Variants in EIF4G3 observed in about 807,000 individuals in gnomAD.
EIF4G3 encodes eIF-4-gamma 3.
Under a neutral mutation model 186.4 loss-of-function variants are expected in EIF4G3, and 34 were observed. The observed-to-expected ratio is 0.18, with a 90% CI of 0.14 to 0.24. The LOEUF is 0.24. Among genes scored for constraint, EIF4G3 ranks in the 10% least tolerant of loss-of-function variants. The pLI is 1.00. For synonymous variants in EIF4G3, 673 were observed against 679.5 expected (o/e 0.99, Z 0.15); for missense variants, 1,536 against 1,948.5 (o/e 0.79, Z 3.99).
intron 2 of EIF4G3, among the ~76,000 whole-genome samples, chr1:21,109,386 T>C (rs2096675803): frequency 6.6e-6 from 1 of 152,230 alleles, no homozygotes; most frequent in Non-Finnish European, 1.5e-5. Flanking sequence ...GGCTCATGCC[T>C]GTAATCCTAA....
chr1:20,873,613 A>AT (rs33949056), intron 20 of EIF4G3, among the ~76,000 whole-genome samples: 88,365 of 150,000 alleles, frequency 0.59, 26,743 homozygotes, highest in East Asian at 0.94. Flanking sequence ...TTAAAATGGG[A>AT]TTTTTTTTTC....
At position 20,806,776 on chromosome 1, in the gene EIF4G3, G is replaced by C. The variant is rs2058177529; in HGVS notation, c.*543C>G. On this transcript the variant is annotated 3_prime_UTR_variant, in exon 37 of 37. Transcript: ENST00000602326. Reference sequence around the variant, plus strand: ...TTTTCTGAAGCAAGCTGAGAGGCAGGCAGAAAGATTTGATGCCAAAAAAAA... The same window carrying C: ...TTTTCTGAAGCAAGCTGAGAGGCAGCCAGAAAGATTTGATGCCAAAAAAAA... 1 of 151,254 alleles carries C rather than the reference G, an allele frequency of 6.6e-6. No homozygotes were observed. Among genetic ancestry groups the C allele is most frequent in the South Asian group, 2.1e-4 (1 of 4,782 alleles). The allele number at this position is 151,254 out of a possible 1,614,324, so 9.4% of individuals were successfully genotyped here.
At chr1:21,021,969 T>C (rs774009681) in intron 4 of EIF4G3, among the ~76,000 whole-genome samples, 1 of 152,114 alleles carries the variant, frequency 6.6e-6, no homozygotes, top group Non-Finnish European at 1.5e-5. Flanking sequence ...AATATTAACA[T>C]AAAATCCAGC....
Position 21,176,160 on chromosome 1 carries a change from A to G in EIF4G3, c.-272+15T>C. On this transcript the variant is annotated intron_variant, in intron 2 of 36. Coordinates refer to ENST00000602326, the MANE Select transcript of EIF4G3 (RefSeq NM_001391906.1). ...GACGAGAACCGAAGGGCCGACAGGA[A>G]GGTGAAAAGGATACTGTTGGGGCGC... The G allele has an allele frequency of 2.6e-6, 1 of 387,186 alleles. No homozygotes were observed. The highest frequency in any genetic ancestry group is 4.6e-6 in the Non-Finnish European group (1 of 219,048). 24.0% of individuals were successfully genotyped at this position (387,186 alleles called of 1,614,324 possible). A position where few individuals can be genotyped will look rare whatever the true frequency, so the allele number is the denominator to read the frequency against.
rs747274284 is a variant in EIF4G3, at chr1:20,899,753, G to T, written c.1943C>A (p.Ala648Asp). The T allele has an allele frequency of 1.9e-5, 31 of 1,614,000 alleles. No individual in the cohort carries two copies. The South Asian group carries it at 3.3e-4, about 17-fold the overall frequency. ...ESVSEGEGID[A>D]NSGSTDSSGD... Reference sequence around the variant, plus strand: ...AGAACTATCTGTGGAGCCTGAATTAGCATCTATTCCTTCACCCTCAGAAAC... The same window carrying T: ...AGAACTATCTGTGGAGCCTGAATTATCATCTATTCCTTCACCCTCAGAAAC... Residue 648 changes from alanine to aspartate, a missense_variant, in exon 16 of 37, where the codon GCT becomes GAT. Coordinates refer to ENST00000602326, the MANE Select transcript of EIF4G3 (RefSeq NM_001391906.1).
At chr1:20,847,959 G>T in intron 29 of EIF4G3, 1 of 404,154 alleles carries the variant, frequency 2.5e-6, no homozygotes, top group Non-Finnish European at 4.9e-6. Context: ...AAGAAAACAA[G>T]TAATATTTTC....
chr1:20,854,918 C>T (rs773760273), intron 26 of EIF4G3, 60 bp downstream of exon 26: 44 of 1,383,366 alleles, frequency 3.2e-5, no homozygotes, highest in Admixed American at 7.0e-5. Context: ...TATGGGAATG[C>T]GCTGTAAGGC....
chr1:21,050,938 A>G lies in EIF4G3; in HGVS notation c.-139T>C. 1 of 716,634 alleles carries G rather than the reference A, an allele frequency of 1.4e-6. No individual in the cohort carries two copies. Among genetic ancestry groups the G allele is most frequent in the Non-Finnish European group, 2.6e-6 (1 of 384,864 alleles). 44.4% of individuals were successfully genotyped at this position (716,634 alleles called of 1,614,324 possible). On this transcript the variant is annotated 5_prime_UTR_variant, in exon 4 of 37. The change abolishes an upstream ATG in the 5' untranslated region. Coordinates refer to ENST00000602326, the MANE Select transcript of EIF4G3 (RefSeq NM_001391906.1). ...GATTTGGATGCCCCTTGTTTATTTC[A>G]TGTGCTGAATAAGGGGATGGGGTAG...
In EIF4G3 at chr1:20,844,907, T is replaced by C. The variant is rs111447394; in HGVS notation, c.3889-3879A>G. The stretch of plus-strand genomic sequence containing the variant: ...TGTATATTGCAAACATTTCCTCCTA[T>C]TCTGTAAGTTGTCTGTTTATTCTGT... On this transcript the variant is annotated intron_variant, in intron 29 of 36. Coordinates refer to ENST00000602326, the MANE Select transcript of EIF4G3 (RefSeq NM_001391906.1). 4.2e-3 allele frequency among the ~76,000 whole-genome samples: 644 copies of C among 152,298 alleles called. 5 individuals are homozygous for C. The highest frequency in any genetic ancestry group is 0.014 in the African/African-American group (600 of 41,564).
chr1:21,130,391 A>G (rs2097132400), intron 2 of EIF4G3, among the ~76,000 whole-genome samples: 1 of 151,454 alleles, frequency 6.6e-6, no homozygotes, highest in Non-Finnish European at 1.5e-5. Flanking sequence ...CACTCAGCTA[A>G]TTTTTTTGTG....
At chr1:20,884,727 G>C (rs2083542907) in intron 19 of EIF4G3, among the ~76,000 whole-genome samples, 1 of 152,174 alleles carries the variant, frequency 6.6e-6, no homozygotes. Context: ...AAACCGCCAA[G>C]TACAGTTTGA....
rs1465489278 is a variant in EIF4G3 at position 20,857,332 on chromosome 1, G to A, written c.3339+71C>T. 5 of 1,196,396 alleles carry A rather than the reference G, an allele frequency of 4.2e-6. No homozygotes were observed. The Admixed American group carries it at 5.1e-5, about 12-fold the overall frequency. 74.1% of individuals were successfully genotyped at this position (1,196,396 alleles called of 1,614,324 possible). A position where few individuals can be genotyped will look rare whatever the true frequency, so the allele number is the denominator to read the frequency against. On this transcript the variant is annotated intron_variant, in intron 25 of 36. Transcript: ENST00000602326. ...GTTTTGCAACTATTGTAAATTGTGT[G>A]TGTGTGTGTGTGTTTTAATATCAAA...
At chr1:21,041,968 A>G (rs1036113721) in intron 4 of EIF4G3, among the ~76,000 whole-genome samples, 2 of 152,086 alleles carry the variant, frequency 1.3e-5, no homozygotes, top group African/African-American at 4.8e-5. Context: ...TGAGTAAATT[A>G]TAACAAATTT....
At chr1:21,151,236 C>CTTTTTTTTTTTTTTTTTTTTT (rs71014161) in intron 2 of EIF4G3, among the ~76,000 whole-genome samples, 3 of 80,410 alleles carry the variant, frequency 3.7e-5, no homozygotes, top group African/African-American at 9.6e-5. Context: ...GTATTTCTTT[C>CTTTTTTTTTTTTTTTTTTTTT]TTTTTTTTTT....
At chr1:20,952,603 C>T (rs958766386) in intron 12 of EIF4G3, among the ~76,000 whole-genome samples, 14 of 152,186 alleles carry the variant, frequency 9.2e-5, no homozygotes, top group Non-Finnish European at 2.1e-4. Context: ...AATCCCAGCA[C>T]TCTGGGAGGC....
intron 4 of EIF4G3, among the ~76,000 whole-genome samples, chr1:21,022,277 T>A (rs2090909867): frequency 6.6e-6 from 1 of 152,210 alleles, no homozygotes; most frequent in Non-Finnish European, 1.5e-5. Context: ...ATGATGGGTG[T>A]CCATTATGAT....
At chr1:20,819,393 C>T (rs1209410440) in intron 33 of EIF4G3, among the ~76,000 whole-genome samples, 1 of 151,460 alleles carries the variant, frequency 6.6e-6, no homozygotes. Context: ...TCAAGGCTCA[C>T]TGCAGCCTTG....
chr1:20,857,298 T>C lies in EIF4G3; in HGVS notation c.3339+105A>G, dbSNP rs539958962. 105 of 944,380 alleles carry C rather than the reference T, an allele frequency of 1.1e-4. No homozygotes were observed. In the African/African-American group the frequency reaches 1.3e-3, roughly 12 times the overall value. The allele number at this position is 944,380 out of a possible 1,614,324, so 58.5% of individuals were successfully genotyped here. Reference sequence around the variant, plus strand: ...TGCTGTTTTACTTTAATAAGTACTTTTGAGACACGTTTTGCAACTATTGTA... The same window carrying C: ...TGCTGTTTTACTTTAATAAGTACTTCTGAGACACGTTTTGCAACTATTGTA... On this transcript the variant is annotated intron_variant, in intron 25 of 36. Transcript: ENST00000602326.
chr1:20,902,717 T>C (rs1410840486), intron 15 of EIF4G3, among the ~76,000 whole-genome samples: 1 of 152,240 alleles, frequency 6.6e-6, no homozygotes, highest in Non-Finnish European at 1.5e-5. Flanking sequence ...CTTGGCTCAT[T>C]GCAACCTCCG....
Sources: gnomAD v4.1 joint callset for allele counts (sites outside exome capture counted in the v4.1 genomes callset) on GRCh38, gnomAD v4.1.1 for gene constraint, MANE v1.5 for transcripts, NCBI Gene and HGNC (gene_info 2026-07-23, HGNC 2026-07-21) for gene names.